CDK12: variants seen among roughly 807,000 people sequenced by gnomAD.
CDK12 encodes the protein cyclin dependent kinase 12, also known as cyclin-dependent kinase 12.
A neutral mutation model predicts 133.8 loss-of-function variants in CDK12; 17 were observed. The ratio of observed to expected loss-of-function variants is 0.13; its 90% CI spans 0.09 to 0.19. The LOEUF (loss-of-function observed/expected upper bound fraction) is 0.19, where lower values mean the gene tolerates loss of function less well. Ranked by LOEUF, CDK12 falls within the 10% of genes least tolerant of loss-of-function variation. CDK12 has a pLI of 1.00. For missense variants in CDK12, 1,508 were observed against 1,818.7 expected (o/e 0.83, Z 3.11); for synonymous variants, 694 against 683.6 (o/e 1.02, Z -0.24).
At chr17:39,496,798 TAC>T (rs1158856799) in intron 5 of CDK12, among the ~76,000 whole-genome samples, 13 of 152,226 alleles carry the variant, frequency 8.5e-5, no homozygotes, top group Middle Eastern at 3.4e-3. Context: ...GCATTTTTGA[TAC>T]AGAGTTATTT....
At chr17:39,478,919 G>A (rs1267246610) in intron 2 of CDK12, among the ~76,000 whole-genome samples, 1 of 152,034 alleles carries the variant, frequency 6.6e-6, no homozygotes, top group Non-Finnish European at 1.5e-5. Flanking sequence ...GTGTGTGTGT[G>A]CTGCTATATC....
intron 5 of CDK12, among the ~76,000 whole-genome samples, chr17:39,500,557 C>T (rs1287368761): frequency 2.0e-5 from 3 of 151,666 alleles, no homozygotes; most frequent in Non-Finnish European, 4.4e-5. Flanking sequence ...GGCTTGAACC[C>T]AGGAGGCGGA....
chr17:39,498,372 G>A (rs548192123), intron 5 of CDK12, among the ~76,000 whole-genome samples: 1 of 152,094 alleles, frequency 6.6e-6, no homozygotes, highest in Non-Finnish European at 1.5e-5. Context: ...TTACAAGTGT[G>A]TGCCACAATG....
At chr17:39,500,813 A>G (rs2052663539) in intron 5 of CDK12, among the ~76,000 whole-genome samples, 2 of 151,322 alleles carry the variant, frequency 1.3e-5, no homozygotes, top group Non-Finnish European at 2.9e-5. Context: ...TGCAGCCTCC[A>G]GCTCCTGGGT....
rs867025919 is a variant in CDK12 at position 39,470,833 on chromosome 17, T to C, written c.1047-46T>C. The C allele has an allele frequency of 2.1e-6, 3 of 1,460,984 alleles. No homozygotes were observed. The African/African-American group carries it at 4.3e-5, about 21-fold the overall frequency. The allele number at this position is 1,460,984 out of a possible 1,614,324, so 90.5% of individuals were successfully genotyped here. A position where few individuals can be genotyped will look rare whatever the true frequency, so the allele number is the denominator to read the frequency against. ...TTTTATTGATCTGTTTTCCTCCATA[T>C]ACTACTGTAGTCCATTCATTTAAAA... is the stretch of plus-strand genomic sequence containing the variant. On this transcript the variant is annotated intron_variant, in intron 1 of 13. Transcript: ENST00000447079.
At chr17:39,506,219 T>G (rs1400494149) in intron 6 of CDK12, among the ~76,000 whole-genome samples, 1 of 147,236 alleles carries the variant, frequency 6.8e-6, no homozygotes, top group Non-Finnish European at 1.5e-5. Context: ...ATGATTTTTT[T>G]TTTTTTTTTT....
chr17:39,472,804 G>A (rs1482288768), intron 2 of CDK12, among the ~76,000 whole-genome samples: 7 of 149,470 alleles, frequency 4.7e-5, no homozygotes, highest in African/African-American at 1.2e-4. Context: ...GGCCAGGCGC[G>A]GTGGCTCACG....
chr17:39,533,553 T>G lies in CDK12; in HGVS notation c.*2237T>G. 4.3e-6 allele frequency: 1 copy of G among 233,240 alleles called. No individual in the cohort carries two copies. The highest frequency in any genetic ancestry group is 6.0e-5 in the East Asian group (1 of 16,688). The allele number at this position is 233,240 out of a possible 1,614,324, so 14.4% of individuals were successfully genotyped here. A position where few individuals can be genotyped will look rare whatever the true frequency, so the allele number is the denominator to read the frequency against. ...AATTCTCTATATATTTCATTGTATT[T>G]TGGTTATCAGCAGTCATCAATAATG... On this transcript the variant is annotated 3_prime_UTR_variant, in exon 14 of 14. Coordinates refer to ENST00000447079, the MANE Select transcript of CDK12 (RefSeq NM_016507.4).
Position 39,541,040 on chromosome 17 carries a change from A to G in CDK12, c.451-3209A>G, listed in dbSNP as rs141345331. Among the ~76,000 whole-genome samples, 344 of 152,164 alleles carry G rather than the reference A, an allele frequency of 2.3e-3. 2 individuals are homozygous for G. Among genetic ancestry groups the G allele is most frequent in the African/African-American group, 8.0e-3 (333 of 41,508 alleles). On this transcript the variant is annotated intron_variant and NMD_transcript_variant, in intron 1 of 4. Transcript: ENST00000559663. ...CTGGGATATGGTGTCGCCTCCCACCATGGCTTGTTACAGGCTTAAAGTAGG... is the reference window on the plus strand; with the variant it reads ...CTGGGATATGGTGTCGCCTCCCACCGTGGCTTGTTACAGGCTTAAAGTAGG...
At chr17:39,469,902 G>C (rs113164313) in intron 1 of CDK12, among the ~76,000 whole-genome samples, 4 of 152,210 alleles carry the variant, frequency 2.6e-5, no homozygotes, top group African/African-American at 9.6e-5. Context: ...CTCCCAAAGT[G>C]CTGGGATTAC....
chr17:39,520,022 A>G lies in CDK12; in HGVS notation c.3030A>G (p.Thr1010=). Residue 1010 remains threonine, a synonymous_variant, in exon 11 of 14, where the codon ACA becomes ACG. Coordinates refer to ENST00000447079, the MANE Select transcript of CDK12 (RefSeq NM_016507.4). ...MLTLDPSKRC[T]AEQTLQSDFL... is the part of the protein sequence containing the mutation. ...CACTAGATCCTAGTAAGCGGTGCAC[A>G]GCTGAACAGACCCTACAGAGCGACT... 1 of 1,614,062 alleles carries G rather than the reference A, an allele frequency of 6.2e-7. No homozygotes were observed. Among genetic ancestry groups the G allele is most frequent in the African/African-American group, 1.3e-5 (1 of 75,026 alleles).
chr17:39,484,936 C>T (rs1305289754), intron 2 of CDK12, among the ~76,000 whole-genome samples: 2 of 151,962 alleles, frequency 1.3e-5, no homozygotes, highest in Non-Finnish European at 2.9e-5. Flanking sequence ...TTTGGGAGGC[C>T]GAGGCGGGCG....
At chr17:39,564,271 G>A (rs2056495833) in intron 3 of CDK12, among the ~76,000 whole-genome samples, 1 of 152,176 alleles carries the variant, frequency 6.6e-6, no homozygotes, top group Non-Finnish European at 1.5e-5. Context: ...ATCAGAAGTT[G>A]AGGGTCAGAG....
chr17:39,533,232 CTG>C lies in CDK12; in HGVS notation c.*1917_*1918del, dbSNP rs1468379331. 8.6e-6 allele frequency: 2 copies of C among 232,966 alleles called. No individual in the cohort carries two copies. The highest frequency in any genetic ancestry group is 1.7e-5 in the Non-Finnish European group (2 of 117,868). The allele number at this position is 232,966 out of a possible 1,614,324, so 14.4% of individuals were successfully genotyped here. A position where few individuals can be genotyped will look rare whatever the true frequency, so the allele number is the denominator to read the frequency against. On this transcript the variant is annotated 3_prime_UTR_variant, in exon 14 of 14. Transcript: ENST00000447079. ...CTGGCCTTGCCTCCAGGGCCAAACA[CTG>C]ATTTAGAAAGAGAGCCTTCTAGCTA...
At chr17:39,508,526 A>T (rs1195832165) in intron 6 of CDK12, among the ~76,000 whole-genome samples, 9 of 152,166 alleles carry the variant, frequency 5.9e-5, no homozygotes, top group Admixed American at 5.9e-4. Context: ...ATATTCCTTC[A>T]TGCAGGAGGA....
intron 6 of CDK12, 96 bp downstream of exon 6, chr17:39,501,535 G>GTGTGTGAATAC: frequency 1.3e-6 from 1 of 771,084 alleles, no homozygotes; most frequent in Non-Finnish European, 2.1e-6. Context: ...AGACCTAATA[G>GTGTGTGAATAC]TGCAGTATTC....
chr17:39,501,695 C>T (rs1395129310), intron 6 of CDK12, among the ~76,000 whole-genome samples: 1 of 152,100 alleles, frequency 6.6e-6, no homozygotes, highest in Admixed American at 6.6e-5. Context: ...GTACTTACTC[C>T]TAGGTTTTAA....
intron 3 of CDK12, among the ~76,000 whole-genome samples, chr17:39,564,580 A>G (rs1192105718): frequency 6.6e-6 from 1 of 152,194 alleles, no homozygotes; most frequent in Non-Finnish European, 1.5e-5. Context: ...ATATTCAGTC[A>G]AAGGAGGCTT....
In CDK12 at chr17:39,533,232, C is replaced by T. The variant is rs922372674; in HGVS notation, c.*1916C>T. ...CTGGCCTTGCCTCCAGGGCCAAACA[C>T]TGATTTAGAAAGAGAGCCTTCTAGC... On this transcript the variant is annotated 3_prime_UTR_variant, in exon 14 of 14. Coordinates refer to ENST00000447079, the MANE Select transcript of CDK12 (RefSeq NM_016507.4). 6 of 233,084 alleles carry T rather than the reference C, an allele frequency of 2.6e-5. No homozygotes were observed. Among genetic ancestry groups the T allele is most frequent in the Middle Eastern group, 1.3e-3 (1 of 782 alleles). The allele number at this position is 233,084 out of a possible 1,614,324, so 14.4% of individuals were successfully genotyped here.
Sources: gnomAD v4.1 joint callset for allele counts (sites outside exome capture counted in the v4.1 genomes callset) on GRCh38, gnomAD v4.1.1 for gene constraint, MANE v1.5 for transcripts, NCBI Gene and HGNC (gene_info 2026-07-23, HGNC 2026-07-21) for gene names.